The following RHAG variants were observed in gnomAD, a reference collection of about 807,000 sequenced individuals.
RHAG encodes Rh associated glycoprotein, also known as ammonium transporter Rh type A.
A neutral mutation model predicts 42.4 loss-of-function variants in RHAG; 25 were observed. That is an observed-to-expected ratio of 0.59 (90% CI 0.43 to 0.82). The LOEUF is 0.82. Ranked by LOEUF, RHAG falls within the 40% of genes least tolerant of loss-of-function variation. The pLI is 0.00. For synonymous variants in RHAG, 182 were observed against 177.7 expected (o/e 1.02, Z -0.19); for missense variants, 483 against 504.6 (o/e 0.96, Z 0.41).
chr6:49,605,978 A>G, intron 9 of RHAG, 148 bp from the exon 10 acceptor site: 1 of 735,176 alleles, frequency 1.4e-6, no homozygotes, highest in Non-Finnish European at 2.4e-6. Context: ...AGAAAAATAA[A>G]AGAATAAAAC....
At chr6:49,630,221 T>G (rs1762914157) in intron 1 of RHAG, among the ~76,000 whole-genome samples, 1 of 152,228 alleles carries the variant, frequency 6.6e-6, no homozygotes, top group Non-Finnish European at 1.5e-5. Context: ...CTTGTTTTAT[T>G]TCGTTTGTTT....
At chr6:49,634,771 G>A (rs534512741) in intron 1 of RHAG, among the ~76,000 whole-genome samples, 314 of 152,062 alleles carry the variant, frequency 2.1e-3, no homozygotes, top group Middle Eastern at 0.01. Context: ...GTGTAGAAGA[G>A]CGATGTGACT....
At chr6:49,614,896 A>G in intron 4 of RHAG, 43 bp from the exon 5 acceptor site, 39 of 1,548,516 alleles carry the variant, frequency 2.5e-5, no homozygotes, top group Non-Finnish European at 3.4e-5. Context: ...TGAATATGGA[A>G]GACAGTCCAG....
intron 1 of RHAG, among the ~76,000 whole-genome samples, chr6:49,625,994 C>T (rs1581948591): frequency 2.6e-5 from 4 of 152,084 alleles, no homozygotes; most frequent in Admixed American, 2.6e-4. Flanking sequence ...GAAAGAGTGG[C>T]CCCCGTGTTT....
intron 1 of RHAG, among the ~76,000 whole-genome samples, chr6:49,629,824 G>A (rs1009570317): frequency 2.0e-5 from 3 of 150,814 alleles, no homozygotes; most frequent in African/African-American, 7.4e-5. Context: ...GGCCGGCAGG[G>A]CCAGCCGGCT....
At chr6:49,617,022 A>G (rs1762668454) in intron 3 of RHAG, among the ~76,000 whole-genome samples, 1 of 152,208 alleles carries the variant, frequency 6.6e-6, no homozygotes, top group Admixed American at 6.5e-5. Context: ...TGGGACCATC[A>G]AATAAGTCTT....
At chr6:49,611,003 A>G in intron 7 of RHAG, 21 bp downstream of exon 7, 3 of 1,613,698 alleles carry the variant, frequency 1.9e-6, no homozygotes, top group Non-Finnish European at 2.5e-6. Context: ...CAGGGGCTGA[A>G]AAACCCATTC....
chr6:49,619,279 C>A lies in RHAG; in HGVS notation c.241G>T (p.Gly81Cys). Residue 81 changes from glycine to cysteine, a missense_variant, in exon 2 of 10, where the codon GGT becomes TGT. Transcript: ENST00000371175. ...AAAGCAGCAACGAGTAGGTTGATACCCACACTGCTGAAGCCATATTTCTTC... is the reference window on the plus strand; with the variant it reads ...AAAGCAGCAACGAGTAGGTTGATACACACACTGCTGAAGCCATATTTCTTC... ...FLKKYGFSSV[G>C]INLLVAALGL... The A allele has an allele frequency of 6.2e-7, 1 of 1,614,054 alleles. No homozygotes were observed. The highest frequency in any genetic ancestry group is 8.5e-7 in the Non-Finnish European group (1 of 1,179,980).
At chr6:49,616,192 T>A (rs1762651295) in intron 3 of RHAG, among the ~76,000 whole-genome samples, 1 of 151,984 alleles carries the variant, frequency 6.6e-6, no homozygotes, top group Non-Finnish European at 1.5e-5. Flanking sequence ...GAGTGAAATA[T>A]GTATTGCTCA....
At chr6:49,628,759 C>A (rs1210780655) in intron 1 of RHAG, among the ~76,000 whole-genome samples, 1 of 150,888 alleles carries the variant, frequency 6.6e-6, no homozygotes, top group Non-Finnish European at 1.5e-5. Context: ...TCGAGTTGTT[C>A]GTTCCTCCCG....
intron 1 of RHAG, among the ~76,000 whole-genome samples, chr6:49,630,099 G>A (rs751760970): frequency 6.6e-6 from 1 of 152,204 alleles, no homozygotes; most frequent in Non-Finnish European, 1.5e-5. Flanking sequence ...CTGCCAGCAC[G>A]CTGTCACCTC....
In RHAG at chr6:49,612,249, T is replaced by C. The variant is rs887095785; in HGVS notation, c.945+148A>G. 5.3e-5 allele frequency: 41 copies of C among 771,368 alleles called. No homozygotes were observed. The African/African-American group carries it at 5.6e-4, about 10-fold the overall frequency. The allele number at this position is 771,368 out of a possible 1,614,324, so 47.8% of individuals were successfully genotyped here. On this transcript the variant is annotated intron_variant, in intron 6 of 9. Transcript: ENST00000371175. ...GAGTAGAACCACTGAACCACTGAAA[T>C]GGGAGTGGTATTTCCAAAAAGAAGG...
chr6:49,620,417 T>C (rs1380003464), intron 1 of RHAG, among the ~76,000 whole-genome samples: 1 of 152,210 alleles, frequency 6.6e-6, no homozygotes, highest in African/African-American at 2.4e-5. Flanking sequence ...ATATATGAGA[T>C]TGACATTTTT....
At chr6:49,616,756 C>G (rs1762661827) in intron 3 of RHAG, among the ~76,000 whole-genome samples, 1 of 152,114 alleles carries the variant, frequency 6.6e-6, no homozygotes, top group Non-Finnish European at 1.5e-5. Context: ...GACCCAGTCC[C>G]CTTGAAGATC....
intron 1 of RHAG, among the ~76,000 whole-genome samples, chr6:49,620,649 A>G (rs1474597774): frequency 6.6e-6 from 1 of 152,076 alleles, no homozygotes; most frequent in African/African-American, 2.4e-5. Context: ...CTCCTGCCTC[A>G]GCCTCCCAAG....
chr6:49,620,013 TA>T lies in RHAG; in HGVS notation c.158-652del, dbSNP rs1481465423. On this transcript the variant is annotated intron_variant, in intron 1 of 9. Transcript: ENST00000371175. ...ATAATAGCACCAGCCACGAAAATCT[TA>T]CCAGATCATTATTTGGGTCAAATGG... 8.5e-5 allele frequency among the ~76,000 whole-genome samples: 13 copies of T among 152,350 alleles called. No homozygotes were observed. The East Asian group carries it at 1.9e-3, about 23-fold the overall frequency.
At chr6:49,613,670 A>T (rs1581939455) in intron 5 of RHAG, among the ~76,000 whole-genome samples, 1 of 152,254 alleles carries the variant, frequency 6.6e-6, no homozygotes, top group South Asian at 2.1e-4. Flanking sequence ...GTGTTTCTCT[A>T]GCTCATAGGC....
chr6:49,612,623 A>G lies in RHAG; in HGVS notation c.808-89T>C, dbSNP rs1762586392. On this transcript the variant is annotated intron_variant, in intron 5 of 9. Transcript: ENST00000371175. ...GGATTCTAGAGTTCAAGAGACCCACATCACATTCTTCAGTTGAAAGGGCTA... is the reference window on the plus strand; with the variant it reads ...GGATTCTAGAGTTCAAGAGACCCACGTCACATTCTTCAGTTGAAAGGGCTA... 13 of 1,474,888 alleles carry G rather than the reference A, an allele frequency of 8.8e-6. No individual in the cohort carries two copies. The South Asian group carries it at 1.3e-4, about 14-fold the overall frequency. The allele number at this position is 1,474,888 out of a possible 1,614,324, so 91.4% of individuals were successfully genotyped here.
Position 49,636,675 on chromosome 6 carries a change from T to C in RHAG, c.138A>G (p.Ile46Met), listed in dbSNP as rs1294535938. 1.9e-6 allele frequency: 3 copies of C among 1,613,798 alleles called. No individual in the cohort carries two copies. The highest frequency in any genetic ancestry group is 2.7e-5 in the African/African-American group (2 of 74,918). ...LNITKPTDMGIFFELYPLFQD... is the reference protein window; with the variant it reads ...LNITKPTDMGMFFELYPLFQD... ...ACTCACGAGGATATAACTCAAAGAA[T>C]ATGCCCATGTCTGTTGGCTTGGTGA... Residue 46 changes from isoleucine (I) to methionine (M), a missense_variant, in exon 1 of 10, where the codon ATA becomes ATG. By Grantham distance (10) the Ile-to-Met change is conservative. Coordinates refer to ENST00000371175, the MANE Select transcript of RHAG (RefSeq NM_000324.3).
Sources: allele counts gnomAD v4.1 joint callset (sites outside exome capture counted in the v4.1 genomes callset), GRCh38; gene constraint gnomAD v4.1.1; transcripts MANE v1.5; gene names NCBI Gene and HGNC (gene_info 2026-07-23, HGNC 2026-07-21).